The following COL4A3 variants were observed in gnomAD, a reference collection of about 807,000 sequenced individuals.
COL4A3 encodes collagen alpha-3(IV) chain.
In COL4A3, 135 loss-of-function variants were observed where a neutral mutation model predicts 217.4. That is an observed-to-expected ratio of 0.62 (90% CI 0.54 to 0.72). The LOEUF (loss-of-function observed/expected upper bound fraction) is 0.72. COL4A3 is among the 30% of genes least tolerant of loss of function. The pLI is 0.00. For missense variants in COL4A3, 1,868 were observed against 2,119.9 expected, an observed-to-expected ratio of 0.88 and a Z score of 2.33; for synonymous variants, 690 against 736.3, an observed-to-expected ratio of 0.94 and a Z score of 1.02.
chr2:227,263,721 A>G, intron 20 of COL4A3, 59 bp from the exon 21 acceptor site: 1 of 1,498,680 alleles, frequency 6.7e-7, no homozygotes, highest in Non-Finnish European at 9.1e-7. Context: ...CAATTAAAAA[A>G]TAAATTCGTA....
Position 227,237,979 on chromosome 2 carries a change from T to C in COL4A3, c.99T>C (p.Cys33=). 6.2e-7 allele frequency: 1 copy of C among 1,610,346 alleles called. No homozygotes were observed. The highest frequency in any genetic ancestry group is 8.5e-7 in the Non-Finnish European group (1 of 1,176,800). Residue 33 remains cysteine, a synonymous_variant, in exon 2 of 52, where the codon TGT becomes TGC. Coordinates refer to ENST00000396578, the MANE Select transcript of COL4A3 (RefSeq NM_000091.5). ...AAPAASKGCV[C]KDKGQCFCDG... ...TTCCCTCTTCCTAGGGTTGTGTCTGTAAAGACAAAGGCCAGTGCTTCTGTG... is the reference window on the plus strand; with the variant it reads ...TTCCCTCTTCCTAGGGTTGTGTCTGCAAAGACAAAGGCCAGTGCTTCTGTG...
chr2:227,304,234 C>A, intron 46 of COL4A3, 90 bp downstream of exon 46: 1 of 1,531,866 alleles, frequency 6.5e-7, no homozygotes, highest in Non-Finnish European at 9.0e-7. Context: ...GATACAACTT[C>A]ACAGAAAATG....
intron 17 of COL4A3, among the ~76,000 whole-genome samples, chr2:227,257,036 T>C (rs1055922121): frequency 6.6e-6 from 1 of 152,198 alleles, no homozygotes; most frequent in African/African-American, 2.4e-5. Context: ...TATTTGTGTA[T>C]CTAAACATAG....
chr2:227,175,333 T>TG (rs2065638717), intron 1 of COL4A3, among the ~76,000 whole-genome samples: 1 of 152,062 alleles, frequency 6.6e-6, no homozygotes, highest in African/African-American at 2.4e-5. Flanking sequence ...TAGCCGGGCA[T>TG]GGCAGCAGGC....
chr2:227,275,648 G>A (rs1241674685), intron 26 of COL4A3, among the ~76,000 whole-genome samples: 1 of 152,038 alleles, frequency 6.6e-6, no homozygotes, highest in African/African-American at 2.4e-5. Flanking sequence ...TTGCCACTGT[G>A]GTCAGAATAT....
chr2:227,287,352 AC>A (rs1209362569), intron 34 of COL4A3, among the ~76,000 whole-genome samples: 1 of 151,942 alleles, frequency 6.6e-6, no homozygotes, highest in Non-Finnish European at 1.5e-5. Flanking sequence ...AATCACTTGA[AC>A]CCGGAAGGCG....
intron 50 of COL4A3, among the ~76,000 whole-genome samples, chr2:227,309,607 T>A (rs898347760): frequency 6.6e-6 from 1 of 152,118 alleles, no homozygotes. Flanking sequence ...TTTTATTATT[T>A]TTTTTATCTT....
intron 1 of COL4A3, among the ~76,000 whole-genome samples, chr2:227,185,163 G>A (rs576439415): frequency 2.3e-4 from 35 of 152,238 alleles, no homozygotes; most frequent in African/African-American, 8.2e-4. Context: ...GCCTCCCAAA[G>A]TGCTGGGATT....
chr2:227,295,446 A>G, intron 41 of COL4A3, 130 bp downstream of exon 41: 1 of 796,262 alleles, frequency 1.3e-6, no homozygotes, highest in African/African-American at 1.7e-5. Flanking sequence ...CAGGATATTT[A>G]TCATCTTGGT....
intron 1 of COL4A3, among the ~76,000 whole-genome samples, chr2:227,235,795 TGGAG>T (rs1559852641): frequency 6.9e-4 from 95 of 137,986 alleles, no homozygotes; most frequent in Middle Eastern, 3.9e-3. Context: ...TTTTTTTTAA[TGGAG>T]TTTTGCTCTT....
At chr2:227,171,345 A>G (rs1426712892) in intron 1 of COL4A3, among the ~76,000 whole-genome samples, 1 of 152,226 alleles carries the variant, frequency 6.6e-6, no homozygotes, top group East Asian at 1.9e-4. Context: ...TAGTGTATGT[A>G]AATTCCTAGT....
intron 26 of COL4A3, among the ~76,000 whole-genome samples, chr2:227,274,238 A>AAATAAAT: frequency 7.0e-6 from 1 of 143,830 alleles, no homozygotes; most frequent in South Asian, 2.3e-4. Context: ...TACTGTCTCA[A>AAATAAAT]AAATAAATAA....
Position 227,289,243 on chromosome 2 carries a change from C to T in COL4A3, c.2975C>T (p.Pro992Leu), listed in dbSNP as rs772076791. 3.1e-6 allele frequency: 5 copies of T among 1,612,380 alleles called. No homozygotes were observed. Among genetic ancestry groups the T allele is most frequent in the Non-Finnish European group, 2.5e-6 (3 of 1,178,742 alleles). Residue 992 changes from proline to leucine, a missense_variant, in exon 35 of 52, where the codon CCA (proline) becomes CTA (leucine). Pro to Leu is a moderately conservative substitution (Grantham distance 98). Coordinates refer to ENST00000396578, the MANE Select transcript of COL4A3 (RefSeq NM_000091.5). ...AAAGGACTACCCGGACCAGCAGGACCACCAGGTACAGCTGATTCTCAAATA... is the reference window on the plus strand; with the variant it reads ...AAAGGACTACCCGGACCAGCAGGACTACCAGGTACAGCTGATTCTCAAATA... ...GLKGLPGPAG[P>L]PGPRGDLGST... is the part of the protein sequence containing the mutation.
At chr2:227,265,067 A>G (rs954243085) in intron 21 of COL4A3, 1 of 152,256 alleles carries the variant, frequency 6.6e-6, no homozygotes, top group Non-Finnish European at 1.5e-5. Flanking sequence ...TCTTACAAGA[A>G]TCAAAGTATT....
chr2:227,169,126 T>C (rs2125632137), intron 1 of COL4A3: 1 of 146,618 alleles, frequency 6.8e-6, no homozygotes, highest in Admixed American at 7.2e-5. Flanking sequence ...CACCTATGAG[T>C]GAGAATATGC....
intron 26 of COL4A3, 35 bp downstream of exon 26, chr2:227,273,152 T>C (rs1355734981): frequency 6.2e-7 from 1 of 1,609,540 alleles, no homozygotes; most frequent in African/African-American, 1.3e-5. Flanking sequence ...TGTTTTCCGA[T>C]GGAGTGGGTT....
intron 49 of COL4A3, 51 bp downstream of exon 49, chr2:227,309,127 C>T: frequency 1.9e-6 from 3 of 1,610,826 alleles, no homozygotes; most frequent in Non-Finnish European, 2.5e-6. Flanking sequence ...AATCACTTCC[C>T]TTGTAATGGA....
intron 47 of COL4A3, among the ~76,000 whole-genome samples, chr2:227,306,430 A>G (rs751672664): frequency 1.3e-5 from 2 of 152,178 alleles, no homozygotes; most frequent in African/African-American, 2.4e-5. Context: ...CTGTGCAGAG[A>G]TGAGGAGACA....
chr2:227,167,136 A>G (rs984974016), intron 1 of COL4A3, among the ~76,000 whole-genome samples: 5 of 152,268 alleles, frequency 3.3e-5, no homozygotes, highest in African/African-American at 1.2e-4. Flanking sequence ...CAAACAATGT[A>G]TAAGTGAGAG....
Sources: allele counts gnomAD v4.1 joint callset (sites outside exome capture counted in the v4.1 genomes callset), GRCh38; gene constraint gnomAD v4.1.1; transcripts MANE v1.5; gene names NCBI Gene and HGNC (gene_info 2026-07-23, HGNC 2026-07-21).